Variants in PTPRU observed in about 807,000 individuals in gnomAD.
PTPRU encodes the protein protein tyrosine phosphatase receptor type U, also known as receptor-type tyrosine-protein phosphatase U.
PTPRU carries 69 observed loss-of-function variants against 166.3 expected under a neutral mutation model. The observed-to-expected ratio is 0.41, with a 90% CI of 0.34 to 0.51. The LOEUF is 0.51. Among genes scored for constraint, PTPRU ranks in the 20% least tolerant of loss-of-function variants. PTPRU has a pLI of 0.09. For synonymous variants in PTPRU, 793 were observed against 814.0 expected, an observed-to-expected ratio of 0.97 and a Z score of 0.44; for missense variants, 1,657 against 2,013.7, an observed-to-expected ratio of 0.82 and a Z score of 3.39.
Position 29,316,065 on chromosome 1 carries a change from C to G in PTPRU, c.3427C>G (p.Pro1143Ala). 2 of 1,614,052 alleles carry G rather than the reference C, an allele frequency of 1.2e-6. No homozygotes were observed. Among genetic ancestry groups the G allele is most frequent in the Non-Finnish European group, 1.7e-6 (2 of 1,179,922 alleles). Residue 1143 changes from proline (P) to alanine (A), a missense_variant, in exon 24 of 30, where the codon CCT (proline) becomes GCT (alanine). This residue lies in a region of PTPRU where 1,190 missense variants were observed against 1,477.4 expected (regional missense o/e 0.81). Coordinates refer to ENST00000373779, the MANE Select transcript of PTPRU (RefSeq NM_133178.4). ...EACLCGETTI[P>A]VSEFKATYKE... ...CTGCCTGTGTGGGGAGACCACCATCCCTGTCAGTGAGTTCAAGGCCACCTA... is the reference window on the plus strand; with the variant it reads ...CTGCCTGTGTGGGGAGACCACCATCGCTGTCAGTGAGTTCAAGGCCACCTA...
In PTPRU at chr1:29,317,883, G is replaced by C. The variant is rs80083765; in HGVS notation, c.3649G>C (p.Gly1217Arg). The change falls in exon 25 of 30, where the codon GGG (glycine) becomes CGG (arginine). Residue 1217 changes from glycine to arginine, a missense_variant. By Grantham distance (125) the Gly-to-Arg change is moderately radical. Coordinates refer to ENST00000373779, the MANE Select transcript of PTPRU (RefSeq NM_133178.4). This position sits in a 1 kb window ranked among gnomAD's most constrained non-coding sequence, Gnocchi z 5.6. The part of the protein sequence containing the change: ...RCLPFLISTD[G>R]DSNNYINAAL... Reference sequence around the variant, plus strand: ...CCTGCCCTTCCTCATCTCCACTGATGGGGACTCCAACAACTACATTAATGC... The same window carrying C: ...CCTGCCCTTCCTCATCTCCACTGATCGGGACTCCAACAACTACATTAATGC... 1.9e-6 allele frequency: 3 copies of C among 1,613,838 alleles called. No individual in the cohort carries two copies. In the African/African-American group the frequency reaches 4.0e-5, roughly 22 times the overall value.
rs1684988590 is a variant in PTPRU at position 29,260,167 on chromosome 1, C to T, written c.850+123C>T. ...TGGGGCCGGCAGGGTGTCGCTGGGG[C>T]GCTATCTGAAGATGGGCCTGTGGAA... is the stretch of plus-strand genomic sequence containing the variant. On this transcript the variant is annotated intron_variant, in intron 6 of 29. Transcript: ENST00000373779. The surrounding 1 kb of genome is among the most constrained non-coding windows in gnomAD (Gnocchi z 8.3). 2.5e-5 allele frequency: 28 copies of T among 1,123,450 alleles called. No homozygotes were observed. The highest frequency in any genetic ancestry group is 3.1e-5 in the Non-Finnish European group (27 of 860,332). 69.6% of individuals were successfully genotyped at this position (1,123,450 alleles called of 1,614,324 possible). A position where few individuals can be genotyped will look rare whatever the true frequency, so the allele number is the denominator to read the frequency against.
intron 13 of PTPRU, 68 bp downstream of exon 13, chr1:29,284,044 G>GA: frequency 6.4e-7 from 1 of 1,569,070 alleles, no homozygotes; most frequent in Non-Finnish European, 8.8e-7. Context: ...TGGGGAGGTG[G>GA]ATCCTGAGGA....
intron 14 of PTPRU, among the ~76,000 whole-genome samples, chr1:29,285,775 T>C (rs1426060289): frequency 6.6e-6 from 1 of 152,226 alleles, no homozygotes; most frequent in Non-Finnish European, 1.5e-5. Context: ...GCAGCAGTGC[T>C]GGTCGGAAGC....
chr1:29,314,759 G>A (rs1356469676), intron 22 of PTPRU, among the ~76,000 whole-genome samples: 1 of 151,768 alleles, frequency 6.6e-6, no homozygotes, highest in Non-Finnish European at 1.5e-5. Flanking sequence ...TGTATTTTTT[G>A]GTAGAGACAG....
intron 14 of PTPRU, among the ~76,000 whole-genome samples, chr1:29,287,352 T>C (rs1423801511): frequency 2.6e-5 from 4 of 152,268 alleles, no homozygotes; most frequent in African/African-American, 9.6e-5. Context: ...CTGCACTTTG[T>C]CATTTACTTA....
chr1:29,310,741 C>T lies in PTPRU; in HGVS notation c.2821-3C>T. 1 of 1,613,702 alleles carries T rather than the reference C, an allele frequency of 6.2e-7. No homozygotes were observed. The highest frequency in any genetic ancestry group is 8.5e-7 in the Non-Finnish European group (1 of 1,179,646). On this transcript the variant is annotated splice_polypyrimidine_tract_variant and splice_region_variant and intron_variant, in intron 18 of 29. Coordinates refer to ENST00000373779, the MANE Select transcript of PTPRU (RefSeq NM_133178.4). ...CTAACCGTGCCCTCTCCTCCTGTTC[C>T]AGGGTTACCACAGGTCAAACCACTT...
chr1:29,276,612 T>C (rs977074013), intron 8 of PTPRU, among the ~76,000 whole-genome samples: 1 of 152,160 alleles, frequency 6.6e-6, no homozygotes, highest in African/African-American at 2.4e-5. Flanking sequence ...GCCACTTCAT[T>C]TGCCAATATT....
In PTPRU at chr1:29,282,663, C is replaced by T. The variant is rs1686130133; in HGVS notation, c.1869-13C>T. 6.2e-7 allele frequency: 1 copy of T among 1,609,722 alleles called. No individual in the cohort carries two copies. The highest frequency in any genetic ancestry group is 8.5e-7 in the Non-Finnish European group (1 of 1,178,718). ...CCGCCTGTGATCCCCTGTACGCTCT[C>T]CTCCCTGTCCAGTGTGTACCAGGTG... is the stretch of plus-strand genomic sequence containing the variant. On this transcript the variant is annotated splice_polypyrimidine_tract_variant and intron_variant, in intron 11 of 29. Transcript: ENST00000373779.
intron 18 of PTPRU, among the ~76,000 whole-genome samples, chr1:29,310,330 C>G (rs1049421578): frequency 6.6e-6 from 1 of 152,018 alleles, no homozygotes; most frequent in Non-Finnish European, 1.5e-5. Context: ...AACTGACAAG[C>G]TCTGGTTATC....
rs956510247 is a variant in PTPRU, at chr1:29,280,738, A to T, written c.1868+597A>T. On this transcript the variant is annotated intron_variant, in intron 11 of 29. Transcript: ENST00000373779. The surrounding 1 kb of genome is among the most constrained non-coding windows in gnomAD (Gnocchi z 4.2). ...ATAAAGACATGGGATGTGTGGTGTGAGTGTGTGTGAGAGGCGTATATGGGA... is the reference window on the plus strand; with the variant it reads ...ATAAAGACATGGGATGTGTGGTGTGTGTGTGTGTGAGAGGCGTATATGGGA... Among the ~76,000 whole-genome samples the T allele has an allele frequency of 1.3e-5, 2 of 150,682 alleles. No homozygotes were observed. The highest frequency in any genetic ancestry group is 6.6e-5 in the Admixed American group (1 of 15,120).
intron 1 of PTPRU, among the ~76,000 whole-genome samples, chr1:29,243,419 C>A (rs573827243): frequency 6.6e-6 from 1 of 152,358 alleles, no homozygotes; most frequent in Non-Finnish European, 1.5e-5. Flanking sequence ...TCCTGCCTAT[C>A]CGCTGTCTGC....
chr1:29,259,236 A>C, intron 3 of PTPRU, 25 bp from the exon 4 acceptor site: 1 of 1,603,620 alleles, frequency 6.2e-7, no homozygotes, highest in Non-Finnish European at 8.5e-7. Context: ...TATCAGTATG[A>C]TAGGGGCCCT....
intron 29 of PTPRU, 71 bp downstream of exon 29, chr1:29,325,397 C>T: frequency 6.4e-7 from 1 of 1,565,442 alleles, no homozygotes; most frequent in Non-Finnish European, 8.8e-7. Context: ...TCCTTAGCAC[C>T]CACTCTCCCA....
intron 5 of PTPRU, 129 bp downstream of exon 5, chr1:29,259,693 C>T (rs1684951602): frequency 5.7e-6 from 7 of 1,236,024 alleles, no homozygotes; most frequent in South Asian, 3.1e-5. Context: ...CGTCCCGGCC[C>T]TCCCCTAGCT....
chr1:29,258,553 C>G lies in PTPRU; in HGVS notation c.254C>G (p.Ala85Gly), dbSNP rs1273937859. The change falls in exon 3 of 30, where the codon GCC (alanine) becomes GGC (glycine). Residue 85 changes from alanine (A) to glycine (G), a missense_variant. By Grantham distance (60) the Ala-to-Gly change is moderately conservative. Around this residue, in one of 3 missense-constraint regions of PTPRU, gnomAD observed 453 missense variants for 496.9 expected, o/e 0.91. Coordinates refer to ENST00000373779, the MANE Select transcript of PTPRU (RefSeq NM_133178.4). ...NTSQHAPGQRAHVIFQSLSEN... is the reference protein window; with the variant it reads ...NTSQHAPGQRGHVIFQSLSEN... ...TCCCAGCATGCCCCAGGCCAGCGAG[C>G]CCATGTCATCTTCCAGAGCCTGAGC... The G allele has an allele frequency of 6.2e-7, 1 of 1,614,078 alleles. No individual in the cohort carries two copies. Among genetic ancestry groups the G allele is most frequent in the African/African-American group, 1.3e-5 (1 of 74,944 alleles).
rs575029913 is a variant in PTPRU, at chr1:29,315,796, G to A, written c.3364-206G>A. 6.6e-5 allele frequency among the ~76,000 whole-genome samples: 10 copies of A among 152,278 alleles called. No individual in the cohort carries two copies. Among genetic ancestry groups the A allele is most frequent in the African/African-American group, 1.2e-4 (5 of 41,550 alleles). ...CCCCACCTCTCAGAGCACTCACAGA[G>A]TTGTTATAGGGGGTAGGGATGAAAT... On this transcript the variant is annotated intron_variant, in intron 23 of 29. Coordinates refer to ENST00000373779, the MANE Select transcript of PTPRU (RefSeq NM_133178.4). The surrounding 1 kb of genome is among the most constrained non-coding windows in gnomAD (Gnocchi z 4.5).
chr1:29,273,373 A>G (rs1467403506), intron 7 of PTPRU, among the ~76,000 whole-genome samples: 1 of 152,074 alleles, frequency 6.6e-6, no homozygotes, highest in Non-Finnish European at 1.5e-5. Context: ...GGTTTAAGCA[A>G]TACTCCTGCT....
At position 29,264,936 on chromosome 1, in the gene PTPRU, C is replaced by A. The variant is rs534779200; in HGVS notation, c.1144+4033C>A. 1.3e-4 allele frequency among the ~76,000 whole-genome samples: 19 copies of A among 151,826 alleles called. No homozygotes were observed. In the East Asian group the frequency reaches 3.5e-3, roughly 28 times the overall value. ...AGTTGTGTATATCAGTAGTTTATTC[C>A]TTTTTATTACTTTTTATTACTTTTT... is the stretch of plus-strand genomic sequence containing the variant. On this transcript the variant is annotated intron_variant, in intron 7 of 29. Transcript: ENST00000373779.
Sources: gnomAD v4.1 joint callset for allele counts (sites outside exome capture counted in the v4.1 genomes callset) on GRCh38, gnomAD v4.1.1 for gene constraint, gnomAD v4.1.1 regional missense constraint, Gnocchi (gnomAD v3.1) non-coding constraint, MANE v1.5 for transcripts, NCBI Gene and HGNC (gene_info 2026-07-23, HGNC 2026-07-21) for gene names.